PPFIA2: variants seen among roughly 807,000 people sequenced by gnomAD.
PPFIA2 encodes liprin-alpha-2.
A neutral mutation model predicts 175.5 loss-of-function variants in PPFIA2; 46 were observed. The ratio of observed to expected loss-of-function variants is 0.26; its 90% CI spans 0.21 to 0.34. The LOEUF is 0.34. Ranked by LOEUF, PPFIA2 falls within the 10% of genes least tolerant of loss-of-function variation. The pLI is 1.00. For missense variants in PPFIA2, 1,179 were observed against 1,506.1 expected (o/e 0.78, Z 3.60); for synonymous variants, 568 against 511.4 (o/e 1.11, Z -1.49).
chr12:81,257,985 T>C lies in PPFIA2; in HGVS notation c.*1709A>G, dbSNP rs531018394. 2.9e-4 allele frequency: 44 copies of C among 152,316 alleles called. No homozygotes were observed. Among genetic ancestry groups the C allele is most frequent in the African/African-American group, 1.1e-3 (44 of 41,572 alleles). The allele number at this position is 152,316 out of a possible 1,614,324, so 9.4% of individuals were successfully genotyped here. A position where few individuals can be genotyped will look rare whatever the true frequency, so the allele number is the denominator to read the frequency against. ...ATAATAGTAGATACAAATCTAGTTATGGCATTATAATGTCGTAGTTCCTAT... is the reference window on the plus strand; with the variant it reads ...ATAATAGTAGATACAAATCTAGTTACGGCATTATAATGTCGTAGTTCCTAT... On this transcript the variant is annotated 3_prime_UTR_variant, in exon 33 of 33. Transcript: ENST00000549396.
At chr12:81,482,473 G>T (rs1415109944) in intron 4 of PPFIA2, among the ~76,000 whole-genome samples, 1 of 152,190 alleles carries the variant, frequency 6.6e-6, no homozygotes, top group African/African-American at 2.4e-5. Context: ...CAATAGCAAA[G>T]GCTTGGAACC....
At chr12:81,597,241 C>A (rs1043445751) in intron 4 of PPFIA2, among the ~76,000 whole-genome samples, 1 of 152,046 alleles carries the variant, frequency 6.6e-6, no homozygotes, top group Non-Finnish European at 1.5e-5. Context: ...AAGATAGAAT[C>A]TGATCTAGTT....
chr12:81,497,688 C>A (rs929249013), intron 4 of PPFIA2, among the ~76,000 whole-genome samples: 6 of 151,694 alleles, frequency 4.0e-5, no homozygotes, highest in Non-Finnish European at 7.4e-5. Context: ...TACAGGCACA[C>A]GCCACCACGT....
intron 3 of PPFIA2, among the ~76,000 whole-genome samples, chr12:81,720,829 GT>G (rs1372310203): frequency 6.6e-6 from 1 of 150,714 alleles, no homozygotes; most frequent in African/African-American, 2.4e-5. Context: ...TTTTTTGTTT[GT>G]TTTTTTGGCT....
rs142475305 is a variant in PPFIA2 at position 81,625,598 on chromosome 12, G to A, written c.303+51193C>T. ...TAAGATACTTAACTTTTGAAATCAT[G>A]ATTTCTAAGGCTGTTAATGAATTTT... On this transcript the variant is annotated intron_variant, in intron 4 of 32. Coordinates refer to ENST00000549396, the MANE Select transcript of PPFIA2 (RefSeq NM_003625.5). Among the ~76,000 whole-genome samples, 1,380 of 151,732 alleles carry A rather than the reference G, an allele frequency of 9.1e-3. 8 individuals carry two copies. The highest frequency in any genetic ancestry group is 0.013 in the Admixed American group (204 of 15,208).
chr12:81,478,733 C>T (rs1297724683), intron 4 of PPFIA2, among the ~76,000 whole-genome samples: 3 of 152,064 alleles, frequency 2.0e-5, no homozygotes, highest in Admixed American at 1.3e-4. Context: ...GGTTTTAAGT[C>T]AGTTTCTTAA....
At chr12:81,573,229 T>C (rs1375743283) in intron 4 of PPFIA2, among the ~76,000 whole-genome samples, 1 of 151,948 alleles carries the variant, frequency 6.6e-6, no homozygotes, top group Non-Finnish European at 1.5e-5. Flanking sequence ...GCCACAGACT[T>C]AACAGAAGAG....
chr12:81,566,626 A>T (rs1401267432), intron 4 of PPFIA2, among the ~76,000 whole-genome samples: 1 of 152,076 alleles, frequency 6.6e-6, no homozygotes, highest in Non-Finnish European at 1.5e-5. Context: ...CTAGGATTAC[A>T]TTCAGCATTA....
intron 24 of PPFIA2, among the ~76,000 whole-genome samples, chr12:81,290,491 T>C (rs1454168027): frequency 6.6e-6 from 1 of 151,802 alleles, no homozygotes; most frequent in Non-Finnish European, 1.5e-5. Flanking sequence ...ACTTAACTTG[T>C]CTCATAGAAT....
At chr12:81,441,155 G>C (rs1228519365) in intron 6 of PPFIA2, among the ~76,000 whole-genome samples, 1 of 151,454 alleles carries the variant, frequency 6.6e-6, no homozygotes, top group Non-Finnish European at 1.5e-5. Flanking sequence ...TAAAAACCCA[G>C]ATACATAAAA....
intron 7 of PPFIA2, among the ~76,000 whole-genome samples, chr12:81,426,354 T>C (rs1047196998): frequency 3.9e-5 from 6 of 152,154 alleles, no homozygotes; most frequent in African/African-American, 9.7e-5. Context: ...CCTTTACCTA[T>C]AATAAACCAT....
intron 4 of PPFIA2, among the ~76,000 whole-genome samples, chr12:81,557,730 T>C (rs2069152105): frequency 1.3e-5 from 2 of 152,120 alleles, no homozygotes; most frequent in African/African-American, 4.8e-5. Flanking sequence ...TACACTAAGC[T>C]AGGTCATTAC....
At chr12:81,740,638 A>C (rs540192952) in intron 3 of PPFIA2, among the ~76,000 whole-genome samples, 1 of 152,326 alleles carries the variant, frequency 6.6e-6, no homozygotes, top group South Asian at 2.1e-4. Context: ...TGTTTCTGTT[A>C]CTGCATATAG....
chr12:81,379,591 T>A (rs186566950), intron 9 of PPFIA2, among the ~76,000 whole-genome samples: 1 of 152,154 alleles, frequency 6.6e-6, no homozygotes, highest in Non-Finnish European at 1.5e-5. Context: ...ACACAATTAA[T>A]AATCCTTTTG....
chr12:81,331,592 C>T (rs1555271897), intron 21 of PPFIA2, among the ~76,000 whole-genome samples: 1 of 151,750 alleles, frequency 6.6e-6, no homozygotes, highest in Non-Finnish European at 1.5e-5. Flanking sequence ...CATTTAGAGG[C>T]AAAAAAAGCT....
intron 4 of PPFIA2, among the ~76,000 whole-genome samples, chr12:81,478,112 T>A (rs2057718153): frequency 6.6e-6 from 1 of 152,180 alleles, no homozygotes; most frequent in South Asian, 2.1e-4. Flanking sequence ...ATTCAGGGAT[T>A]CGACTTCTTC....
intron 3 of PPFIA2, among the ~76,000 whole-genome samples, chr12:81,680,268 C>G (rs1437860346): frequency 1.3e-5 from 2 of 151,954 alleles, no homozygotes; most frequent in Non-Finnish European, 2.9e-5. Context: ...ACTCAGTGAA[C>G]AGTTGCTATG....
intron 4 of PPFIA2, among the ~76,000 whole-genome samples, chr12:81,550,263 T>A (rs937313169): frequency 1.3e-5 from 2 of 151,816 alleles, no homozygotes; most frequent in South Asian, 4.1e-4. Context: ...GGATTAGAGG[T>A]CTAGGGGCTC....
intron 3 of PPFIA2, among the ~76,000 whole-genome samples, chr12:81,740,733 A>G (rs550516760): frequency 6.6e-6 from 1 of 152,320 alleles, no homozygotes; most frequent in African/African-American, 2.4e-5. Context: ...AAATTTTAGC[A>G]AAAAATCTCA....
Sources: gnomAD v4.1 joint callset for allele counts (sites outside exome capture counted in the v4.1 genomes callset) on GRCh38, gnomAD v4.1.1 for gene constraint, MANE v1.5 for transcripts, NCBI Gene and HGNC (gene_info 2026-07-23, HGNC 2026-07-21) for gene names.